BRPF3: variants seen among roughly 807,000 people sequenced by gnomAD.
BRPF3 encodes the protein bromodomain and PHD finger-containing protein 3.
Under a neutral mutation model 102.0 loss-of-function variants are expected in BRPF3, and 18 were observed. The observed-to-expected ratio is 0.18, with a 90% CI of 0.12 to 0.26. The LOEUF is 0.26. Ranked by LOEUF, BRPF3 falls within the 10% of genes least tolerant of loss-of-function variation. The pLI, the probability that BRPF3 is intolerant of heterozygous loss-of-function variation, is 1.00. For missense variants in BRPF3, 1,147 were observed against 1,567.8 expected (o/e 0.73, Z 4.53); for synonymous variants, 570 against 614.2 (o/e 0.93, Z 1.06).
intron 11 of BRPF3, among the ~76,000 whole-genome samples, chr6:36,228,124 G>A (rs1319486841): frequency 2.0e-5 from 3 of 152,194 alleles, no homozygotes. Flanking sequence ...TTCTGCTTCT[G>A]TGCTTGGTGT....
intron 10 of BRPF3, among the ~76,000 whole-genome samples, chr6:36,223,238 C>G (rs887764924): frequency 2.6e-5 from 4 of 152,172 alleles, no homozygotes; most frequent in African/African-American, 9.7e-5. Context: ...GTTCCTTTAC[C>G]CAACTGCTTT....
rs763603141 is a variant in BRPF3 at position 36,200,474 on chromosome 6, G to A, written c.152G>A (p.Arg51His). The A allele has an allele frequency of 1.2e-6, 2 of 1,614,100 alleles. No homozygotes were observed. Among genetic ancestry groups the A allele is most frequent in the Non-Finnish European group, 1.7e-6 (2 of 1,180,044 alleles). ...GTAGACATTGATGGACGCCTGCATC[G>A]TATCAGCATCTATGACCCACTCAAA... ...VEVDIDGRLH[R>H]ISIYDPLKII... Residue 51 changes from arginine to histidine, a missense_variant, in exon 2 of 13, where the codon CGT (arginine) becomes CAT (histidine). Arg to His is a conservative substitution (Grantham distance 29, BLOSUM62 0). Transcript: ENST00000357641. The surrounding 1 kb of genome is among the most constrained non-coding windows in gnomAD (Gnocchi z 5.3).
At position 36,229,043 on chromosome 6, in the gene BRPF3, A is replaced by C. The variant is rs1489176388; in HGVS notation, c.3421A>C (p.Asn1141His). 1 of 1,613,972 alleles carries C rather than the reference A, an allele frequency of 6.2e-7. No individual in the cohort carries two copies. Among genetic ancestry groups the C allele is most frequent in the Non-Finnish European group, 8.5e-7 (1 of 1,180,020 alleles). ...EKLFLVLFFD[N>H]KRTWQWLPRD... The stretch of plus-strand genomic sequence containing the variant: ...GCTCTTCCTTGTCCTCTTCTTTGAC[A>C]ACAAGCGCACCTGGTTAGTGGGTGC... Residue 1141 changes from asparagine to histidine, a missense_variant, in exon 12 of 13, where the codon AAC (asparagine) becomes CAC (histidine). By Grantham distance (68) the Asn-to-His change is moderately conservative. Transcript: ENST00000357641.
intron 7 of BRPF3, 66 bp from the exon 8 acceptor site, chr6:36,213,814 A>G (rs1768218823): frequency 6.7e-7 from 1 of 1,489,056 alleles, no homozygotes; most frequent in Non-Finnish European, 9.0e-7. Context: ...TGTCAGTGTC[A>G]GTATCTAGCT....
At chr6:36,208,076 T>C (rs1451658431) in intron 4 of BRPF3, among the ~76,000 whole-genome samples, 1 of 152,246 alleles carries the variant, frequency 6.6e-6, no homozygotes, top group Non-Finnish European at 1.5e-5. Context: ...GGGGTAATTA[T>C]AGAGCCTACA....
intron 12 of BRPF3, among the ~76,000 whole-genome samples, chr6:36,229,754 CCATTGAGTGCTTA>C (rs1369410866): frequency 6.6e-6 from 1 of 152,192 alleles, no homozygotes; most frequent in African/African-American, 2.4e-5. Context: ...ATAGTAGCTG[CCATTGAGTGCTTA>C]CTCCATGTCC....
chr6:36,229,081 G>C (rs749536189), intron 12 of BRPF3, 25 bp downstream of exon 12: 7 of 1,610,724 alleles, frequency 4.3e-6, no homozygotes, highest in Admixed American at 1.7e-5. Flanking sequence ...CTGTGAGGGG[G>C]CTGAGGGGCA....
intron 11 of BRPF3, among the ~76,000 whole-genome samples, chr6:36,225,631 G>A (rs1443374984): frequency 1.3e-5 from 2 of 152,118 alleles, no homozygotes; most frequent in African/African-American, 4.8e-5. Context: ...AAGTAACAGG[G>A]CCCATTTTAG....
intron 9 of BRPF3, among the ~76,000 whole-genome samples, chr6:36,220,277 A>G (rs1768488000): frequency 6.6e-6 from 1 of 152,218 alleles, no homozygotes; most frequent in South Asian, 2.1e-4. Context: ...AGCAGTTTGT[A>G]ATACTTTAAG....
chr6:36,217,595 G>C (rs1210472958), intron 8 of BRPF3, among the ~76,000 whole-genome samples: 1 of 152,184 alleles, frequency 6.6e-6, no homozygotes, highest in African/African-American at 2.4e-5. Context: ...AGCCAGCCAG[G>C]GTAGGAGAAG....
chr6:36,226,734 A>G (rs1768753807), intron 11 of BRPF3, among the ~76,000 whole-genome samples: 1 of 152,248 alleles, frequency 6.6e-6, no homozygotes, highest in Non-Finnish European at 1.5e-5. Flanking sequence ...TTATAGCTCA[A>G]AGAGGTTGTA....
chr6:36,197,984 G>A (rs1767565827), intron 1 of BRPF3, among the ~76,000 whole-genome samples: 1 of 152,154 alleles, frequency 6.6e-6, no homozygotes, highest in Admixed American at 6.5e-5. Flanking sequence ...GCTGTTTGGG[G>A]TCGGTGTGGA....
intron 3 of BRPF3, 105 bp downstream of exon 3, chr6:36,204,919 G>A: frequency 3.4e-6 from 5 of 1,473,894 alleles, no homozygotes; most frequent in Non-Finnish European, 4.6e-6. Flanking sequence ...CCTCCATGGA[G>A]CCTTTGCCTA....
At chr6:36,204,600 G>T in intron 2 of BRPF3, 58 bp from the exon 3 acceptor site, 1 of 1,597,722 alleles carries the variant, frequency 6.3e-7, no homozygotes. Context: ...GGATGCACAG[G>T]CTGTAATCTG....
In BRPF3 at chr6:36,204,590, G is replaced by A. The variant is rs1424866037; in HGVS notation, c.1449-68G>A. The A allele has an allele frequency of 3.8e-6, 6 of 1,570,998 alleles. No individual in the cohort carries two copies. In the South Asian group the frequency reaches 4.4e-5, roughly 12 times the overall value. On this transcript the variant is annotated intron_variant, in intron 2 of 12. Transcript: ENST00000357641. ...TTCAGAAATGAACCAGGTCTGGATA[G>A]GATGCACAGGCTGTAATCTGGGCTG...
chr6:36,219,251 C>A (rs1439878519), intron 9 of BRPF3, among the ~76,000 whole-genome samples: 3 of 152,120 alleles, frequency 2.0e-5, no homozygotes, highest in African/African-American at 4.8e-5. Flanking sequence ...CTGAGATTCC[C>A]CTACCCCCCG....
At chr6:36,204,364 CG>C (rs1431664226) in intron 2 of BRPF3, 15 of 399,522 alleles carry the variant, frequency 3.8e-5, no homozygotes, top group Non-Finnish European at 7.0e-5. Context: ...TCAGTCCGTA[CG>C]TGGAACAAGG....
chr6:36,201,962 C>T lies in BRPF3; in HGVS notation c.1448+192C>T. Among the ~76,000 whole-genome samples the T allele has an allele frequency of 6.6e-6, 1 of 152,216 alleles. No homozygotes were observed. Among genetic ancestry groups the T allele is most frequent in the East Asian group, 1.9e-4 (1 of 5,196 alleles). Reference sequence around the variant, plus strand: ...TTTTGCCCTCAGAGTAATGTATTTCCTTTAGTTCAAAGTGAAATAAAACAC... The same window carrying T: ...TTTTGCCCTCAGAGTAATGTATTTCTTTTAGTTCAAAGTGAAATAAAACAC... On this transcript the variant is annotated intron_variant, in intron 2 of 12. Coordinates refer to ENST00000357641, the MANE Select transcript of BRPF3 (RefSeq NM_015695.3). This position sits in a 1 kb window ranked among gnomAD's most constrained non-coding sequence, Gnocchi z 5.1.
At chr6:36,226,414 A>G (rs907982205) in intron 11 of BRPF3, among the ~76,000 whole-genome samples, 1 of 152,240 alleles carries the variant, frequency 6.6e-6, no homozygotes, top group African/African-American at 2.4e-5. Flanking sequence ...GCTCTGGAAG[A>G]TACCACTGAT....
Sources: gnomAD v4.1 joint callset for allele counts (sites outside exome capture counted in the v4.1 genomes callset) on GRCh38, gnomAD v4.1.1 for gene constraint, Gnocchi (gnomAD v3.1) non-coding constraint, MANE v1.5 for transcripts, NCBI Gene and HGNC (gene_info 2026-07-23, HGNC 2026-07-21) for gene names.